EYS: variants seen among roughly 807,000 people sequenced by gnomAD.
EYS encodes EGF-like photoreceptor maintenance factor.
In EYS, 250 loss-of-function variants were observed where a neutral mutation model predicts 282.1. That is an observed-to-expected ratio of 0.89 (90% confidence interval 0.80 to 0.98). The LOEUF is 0.98. EYS is among the 50% of genes least tolerant of loss of function. The pLI, the probability that EYS is intolerant of heterozygous loss-of-function variation, is 0.00. For missense variants in EYS, 4,016 were observed against 3,709.0 expected, an observed-to-expected ratio of 1.08 and a Z score of -2.15; for synonymous variants, 1,355 against 1,282.9, an observed-to-expected ratio of 1.06 and a Z score of -1.20.
At chr6:65,179,988 C>T (rs1765332357) in intron 12 of EYS, among the ~76,000 whole-genome samples, 1 of 152,148 alleles carries the variant, frequency 6.6e-6, no homozygotes, top group Admixed American at 6.5e-5. Flanking sequence ...CATAAAAGGC[C>T]TTTGACAAAA....
At chr6:64,112,242 T>C (rs1488003870) in intron 31 of EYS, among the ~76,000 whole-genome samples, 2 of 152,210 alleles carry the variant, frequency 1.3e-5, no homozygotes, top group South Asian at 2.1e-4. Context: ...AATCATTTTC[T>C]CAGTGATAGA....
intron 31 of EYS, among the ~76,000 whole-genome samples, chr6:64,161,824 A>G (rs1312721638): frequency 1.3e-5 from 2 of 152,182 alleles, no homozygotes; most frequent in African/African-American, 4.8e-5. Context: ...GTTGTAAGAT[A>G]TTGATATTAT....
At chr6:63,930,800 A>G (rs917882939) in intron 35 of EYS, among the ~76,000 whole-genome samples, 2 of 152,044 alleles carry the variant, frequency 1.3e-5, no homozygotes, top group African/African-American at 2.4e-5. Flanking sequence ...GCATAAATTA[A>G]TGAGGCCGTG....
intron 26 of EYS, among the ~76,000 whole-genome samples, chr6:64,532,825 C>T (rs1483302831): frequency 1.3e-5 from 2 of 152,094 alleles, no homozygotes; most frequent in Non-Finnish European, 2.9e-5. Flanking sequence ...AATTATGAGT[C>T]TCTTGAAGGT....
intron 22 of EYS, among the ~76,000 whole-genome samples, chr6:64,762,476 G>C (rs745686662): frequency 6.6e-6 from 1 of 152,186 alleles, no homozygotes; most frequent in African/African-American, 2.4e-5. Context: ...AGCAACATGA[G>C]AGTGATGTAA....
chr6:65,034,793 C>T (rs1324459968), intron 13 of EYS, among the ~76,000 whole-genome samples: 1 of 152,026 alleles, frequency 6.6e-6, no homozygotes, highest in Non-Finnish European at 1.5e-5. Context: ...CTAACACTAG[C>T]TACTACAATT....
At chr6:64,349,551 A>C (rs114146973) in intron 29 of EYS, among the ~76,000 whole-genome samples, 4,727 of 151,430 alleles carry the variant, frequency 0.031, 235 homozygotes, top group African/African-American at 0.11. Context: ...GTAAGAGTTA[A>C]TGATTCTATA....
At chr6:65,465,358 T>C (rs1238134241) in intron 5 of EYS, among the ~76,000 whole-genome samples, 2 of 151,872 alleles carry the variant, frequency 1.3e-5, no homozygotes, top group African/African-American at 4.8e-5. Context: ...ACACCTGCAG[T>C]GTTAGCTACT....
At chr6:64,093,525 G>A in intron 31 of EYS, among the ~76,000 whole-genome samples, 1 of 152,094 alleles carries the variant, frequency 6.6e-6, no homozygotes, top group Non-Finnish European at 1.5e-5. Flanking sequence ...AATTGTGAAT[G>A]GGAGTCCACT....
At chr6:64,554,201 C>A (rs2149807588) in intron 26 of EYS, among the ~76,000 whole-genome samples, 1 of 152,168 alleles carries the variant, frequency 6.6e-6, no homozygotes, top group South Asian at 2.1e-4. Context: ...TTCTTATTTT[C>A]ATCTTAGCAA....
chr6:65,514,072 T>A (rs1263444857), intron 2 of EYS, among the ~76,000 whole-genome samples: 1 of 152,016 alleles, frequency 6.6e-6, no homozygotes, highest in Non-Finnish European at 1.5e-5. Flanking sequence ...CTCCTTAAGC[T>A]GATAAGCAAC....
At chr6:64,533,622 C>T (rs114936978) in intron 26 of EYS, among the ~76,000 whole-genome samples, 12 of 151,948 alleles carry the variant, frequency 7.9e-5, no homozygotes, top group African/African-American at 2.2e-4. Flanking sequence ...AGAAATAACA[C>T]TTTTAGGCAA....
rs1435670838 is a variant in EYS, at chr6:63,788,203, A to C, written c.7625T>G (p.Val2542Gly). Residue 2542 changes from valine (V) to glycine (G), a missense_variant, in exon 39 of 43, where the codon GTT becomes GGT. By Grantham distance (109) the Val-to-Gly change is moderately radical. Transcript: ENST00000503581. ...NKSIIAPGRL[V>G]GLNVFSQFYV... ...AAACTGACTGAAGACATTGAGACCA[A>C]CCAGTCTTCCTGGGGCGATAATGGA... is the stretch of plus-strand genomic sequence containing the variant. 2 of 1,546,888 alleles carry C rather than the reference A, an allele frequency of 1.3e-6. No individual in the cohort carries two copies. The highest frequency in any genetic ancestry group is 1.7e-6 in the Non-Finnish European group (2 of 1,144,978).
At chr6:64,904,216 G>GGTA (rs1334118822) in intron 16 of EYS, among the ~76,000 whole-genome samples, 2 of 152,138 alleles carry the variant, frequency 1.3e-5, no homozygotes, top group Non-Finnish European at 2.9e-5. Flanking sequence ...TAGCAGACCA[G>GGTA]GTAGTCTTCA....
intron 22 of EYS, among the ~76,000 whole-genome samples, chr6:64,705,834 G>A (rs1406423795): frequency 8.7e-6 from 1 of 115,228 alleles, no homozygotes; most frequent in African/African-American, 3.2e-5. Context: ...TTGTGGGGTG[G>A]GAGGGAGGGG....
At chr6:65,581,881 C>T (rs1299306745) in intron 2 of EYS, among the ~76,000 whole-genome samples, 1 of 151,800 alleles carries the variant, frequency 6.6e-6, no homozygotes, top group Non-Finnish European at 1.5e-5. Flanking sequence ...TGATTTTTTT[C>T]AAAATGATTT....
chr6:64,075,595 C>T (rs950184832), intron 32 of EYS, among the ~76,000 whole-genome samples: 1 of 151,846 alleles, frequency 6.6e-6, no homozygotes, highest in Admixed American at 6.6e-5. Context: ...TTTGATGCCA[C>T]GATTTTTAGT....
intron 1 of EYS, among the ~76,000 whole-genome samples, chr6:65,646,921 A>T (rs1261942980): frequency 1.3e-5 from 2 of 151,944 alleles, no homozygotes; most frequent in Non-Finnish European, 2.9e-5. Flanking sequence ...CAATAACAGC[A>T]TAAAAAATAA....
intron 36 of EYS, among the ~76,000 whole-genome samples, chr6:63,832,709 C>G (rs1366391607): frequency 1.3e-5 from 2 of 152,198 alleles, no homozygotes; most frequent in Non-Finnish European, 2.9e-5. Flanking sequence ...CTCCCTAACT[C>G]ATTTCATGAG....
Sources: gnomAD v4.1 joint callset for allele counts (sites outside exome capture counted in the v4.1 genomes callset) on GRCh38, gnomAD v4.1.1 for gene constraint, MANE v1.5 for transcripts, NCBI Gene and HGNC (gene_info 2026-07-23, HGNC 2026-07-21) for gene names.